Variants in PSD3 observed in about 807,000 individuals in gnomAD.
The protein encoded by PSD3 is pleckstrin and Sec7 domain containing 3, also known as PH and SEC7 domain-containing protein 3.
PSD3 carries 49 observed loss-of-function variants against 105.5 expected under a neutral mutation model. The ratio of observed to expected loss-of-function variants is 0.46; its 90% CI spans 0.37 to 0.59. The LOEUF (loss-of-function observed/expected upper bound fraction) is 0.59, where lower values mean the gene tolerates loss of function less well. Among genes scored for constraint, PSD3 ranks in the 20% least tolerant of loss-of-function variants. The probability of loss-of-function intolerance (pLI) is 0.00; values close to 1 mark genes in which losing one functional copy is unlikely to be tolerated. For synonymous variants in PSD3, 557 were observed against 457.8 expected, an observed-to-expected ratio of 1.22 and a Z score of -2.77; for missense variants, 1,561 against 1,263.8, an observed-to-expected ratio of 1.24 and a Z score of -3.57.
chr8:18,888,460 C>T (rs1022766853), intron 2 of PSD3, among the ~76,000 whole-genome samples: 9 of 151,530 alleles, frequency 5.9e-5, no homozygotes, highest in African/African-American at 1.9e-4. Flanking sequence ...GTTATTTAAC[C>T]TCTGTGAGCC....
At chr8:18,845,723 G>C (rs1238896828) in intron 4 of PSD3, among the ~76,000 whole-genome samples, 1 of 152,162 alleles carries the variant, frequency 6.6e-6, no homozygotes, top group Non-Finnish European at 1.5e-5. Context: ...GATCATTTGA[G>C]GCCGGTCGTT....
upstream of PSD3, among the ~76,000 whole-genome samples, chr8:19,017,331 G>T (rs552686597): frequency 2.6e-5 from 4 of 152,256 alleles, no homozygotes; most frequent in East Asian, 1.9e-4. Context: ...TTACAGGCAT[G>T]AGTGACCGTG....
intron 11 of PSD3, among the ~76,000 whole-genome samples, chr8:18,623,397 A>G (rs1450116493): frequency 7.3e-6 from 1 of 137,634 alleles, no homozygotes; most frequent in Non-Finnish European, 1.5e-5. Flanking sequence ...GGACTGCTTG[A>G]GGCCAAGAGT....
At chr8:18,799,057 A>G in intron 8 of PSD3, 1 of 460,574 alleles carries the variant, frequency 2.2e-6, no homozygotes, top group South Asian at 2.4e-5. Flanking sequence ...GACACAGAAC[A>G]CACACATTAC....
chr8:18,647,747 G>A (rs1808155471), intron 10 of PSD3, among the ~76,000 whole-genome samples: 1 of 150,956 alleles, frequency 6.6e-6, no homozygotes, highest in South Asian at 2.1e-4. Context: ...CCCAAATGTT[G>A]AATGTGGGGC....
intron 8 of PSD3, among the ~76,000 whole-genome samples, chr8:18,798,272 A>G (rs927375819): frequency 1.3e-5 from 2 of 152,134 alleles, no homozygotes; most frequent in African/African-American, 4.8e-5. Context: ...AAGTGATTCT[A>G]AATTCACCTC....
At chr8:18,975,459 T>C (rs924356610) in intron 1 of PSD3, among the ~76,000 whole-genome samples, 1 of 152,118 alleles carries the variant, frequency 6.6e-6, no homozygotes, top group African/African-American at 2.4e-5. Flanking sequence ...AGAAGAGCGT[T>C]TGTAGCCGAT....
chr8:19,021,972 T>A (rs962353532), intron 1 of PSD3, among the ~76,000 whole-genome samples: 2 of 152,200 alleles, frequency 1.3e-5, no homozygotes, highest in Non-Finnish European at 2.9e-5. Context: ...GGATCAAGGT[T>A]CTGCAAGCTG....
intron 4 of PSD3, among the ~76,000 whole-genome samples, chr8:18,846,977 TCC>T (rs1815142631): frequency 6.6e-6 from 1 of 151,974 alleles, no homozygotes; most frequent in South Asian, 2.1e-4. Context: ...AATCCCATGC[TCC>T]CTTAACTCTA....
At chr8:18,756,063 A>G (rs1806021449) in intron 9 of PSD3, among the ~76,000 whole-genome samples, 2 of 152,152 alleles carry the variant, frequency 1.3e-5, no homozygotes, top group South Asian at 2.1e-4. Context: ...TCTCTTAAAA[A>G]GCTTGCAAAC....
intron 2 of PSD3, among the ~76,000 whole-genome samples, chr8:18,875,813 A>G (rs1411505059): frequency 6.6e-6 from 1 of 152,220 alleles, no homozygotes; most frequent in Admixed American, 6.5e-5. Context: ...CTGGGATTAC[A>G]GGCGTGAGCC....
At chr8:18,865,634 C>A (rs1330813240) in intron 4 of PSD3, among the ~76,000 whole-genome samples, 1 of 152,022 alleles carries the variant, frequency 6.6e-6, no homozygotes, top group Non-Finnish European at 1.5e-5. Context: ...GTGCTCAGCA[C>A]ATGGTAGGAT....
At chr8:18,941,705 C>T (rs533755917) in intron 1 of PSD3, among the ~76,000 whole-genome samples, 5 of 130,060 alleles carry the variant, frequency 3.8e-5, no homozygotes, top group Non-Finnish European at 3.1e-5. Context: ...CAGATTCTCA[C>T]TCTGTCACCC....
chr8:19,073,159 A>C (rs1188768731), intron 1 of PSD3, among the ~76,000 whole-genome samples: 1 of 152,026 alleles, frequency 6.6e-6, no homozygotes, highest in Non-Finnish European at 1.5e-5. Context: ...TTTTCCCATA[A>C]GGCACAGACT....
At chr8:18,795,243 C>G (rs147196761) in intron 8 of PSD3, among the ~76,000 whole-genome samples, 1 of 152,124 alleles carries the variant, frequency 6.6e-6, no homozygotes, top group African/African-American at 2.4e-5. Context: ...CGTGCCTGAT[C>G]ATTAAACTCA....
At chr8:18,689,605 C>T (rs1040934133) in intron 9 of PSD3, among the ~76,000 whole-genome samples, 5 of 152,142 alleles carry the variant, frequency 3.3e-5, no homozygotes, top group Non-Finnish European at 5.9e-5. Flanking sequence ...GGTTGTAACA[C>T]TCAGTTAATT....
At chr8:18,661,753 C>A (rs375811062) in intron 9 of PSD3, among the ~76,000 whole-genome samples, 3 of 152,208 alleles carry the variant, frequency 2.0e-5, no homozygotes, top group East Asian at 1.9e-4. Context: ...GGAGAAATAG[C>A]CTGAAGGCTT....
chr8:18,701,469 T>G (rs562690205), intron 9 of PSD3, among the ~76,000 whole-genome samples: 18 of 152,312 alleles, frequency 1.2e-4, no homozygotes, highest in African/African-American at 4.3e-4. Flanking sequence ...AAACATACTA[T>G]GTATCAAGAA....
chr8:18,916,865 T>C (rs769692507), intron 2 of PSD3, among the ~76,000 whole-genome samples: 34 of 151,946 alleles, frequency 2.2e-4, no homozygotes, highest in Non-Finnish European at 4.6e-4. Flanking sequence ...GTCAATTATA[T>C]CTTAATAAAG....
Sources: gnomAD v4.1 joint callset for allele counts (sites outside exome capture counted in the v4.1 genomes callset) on GRCh38, gnomAD v4.1.1 for gene constraint, MANE v1.5 for transcripts, NCBI Gene and HGNC (gene_info 2026-07-23, HGNC 2026-07-21) for gene names.